TENT4B: variants seen among roughly 807,000 people sequenced by gnomAD.
TENT4B encodes terminal nucleotidyltransferase 4B, also known as PAP associated domain containing 5.
A neutral mutation model predicts 75.0 loss-of-function variants in TENT4B; 10 were observed. The ratio of observed to expected loss-of-function variants is 0.13; its 90% CI spans 0.08 to 0.23. The LOEUF is 0.23. Among genes scored for constraint, TENT4B ranks in the 10% least tolerant of loss-of-function variants. The probability of loss-of-function intolerance (pLI) is 1.00; values close to 1 mark genes in which losing one functional copy is unlikely to be tolerated. For missense variants in TENT4B, 579 were observed against 893.8 expected (o/e 0.65, Z 4.49); for synonymous variants, 350 against 357.7 (o/e 0.98, Z 0.24).
chr16:50,152,985 G>A (rs1439339811), upstream of TENT4B: 11 of 1,516,028 alleles, frequency 7.3e-6, no homozygotes, highest in East Asian at 2.6e-4. Context: ...CACCGGGGAA[G>A]CCGAGGCGGA....
chr16:50,219,589 T>C (rs986303989), intron 5 of TENT4B, among the ~76,000 whole-genome samples: 2 of 152,228 alleles, frequency 1.3e-5, no homozygotes, highest in Admixed American at 6.5e-5. Flanking sequence ...AAGCAAAATT[T>C]TGAGGTCGAA....
intron 1 of TENT4B, among the ~76,000 whole-genome samples, chr16:50,198,415 T>A (rs2030416423): frequency 1.6e-5 from 1 of 60,658 alleles, no homozygotes; most frequent in African/African-American, 4.6e-5. Context: ...TGAGACTCTG[T>A]CTAAAAAAAA....
At chr16:50,202,047 C>A (rs2030687408) in intron 1 of TENT4B, among the ~76,000 whole-genome samples, 1 of 152,062 alleles carries the variant, frequency 6.6e-6, no homozygotes, top group Non-Finnish European at 1.5e-5. Flanking sequence ...TATCTTTTCT[C>A]CAAATTAGTC....
chr16:50,232,673 A>T lies in TENT4B; in HGVS notation c.*3345A>T, dbSNP rs544815822. On this transcript the variant is annotated 3_prime_UTR_variant, in exon 12 of 12. Transcript: ENST00000561678. ...TCTCTTGCTGTGACATGTTCATTGC[A>T]AAGCCCTCTCCAGTGACTAGGAGGT... is the stretch of plus-strand genomic sequence containing the variant. 8 of 985,316 alleles carry T rather than the reference A, an allele frequency of 8.1e-6. No homozygotes were observed. The Admixed American group carries it at 4.9e-4, about 61-fold the overall frequency. 61.0% of individuals were successfully genotyped at this position (985,316 alleles called of 1,614,324 possible). A position where few individuals can be genotyped will look rare whatever the true frequency, so the allele number is the denominator to read the frequency against.
rs1270317474 is a variant in TENT4B, at chr16:50,233,623, T to TTTGAGGACAG, written c.*4298_*4307dup. On this transcript the variant is annotated 3_prime_UTR_variant, in exon 12 of 12. Transcript: ENST00000561678. ...TCTATTTGATACCTAGAATTAAATATTTGAGGACAGTTTTTAGTTAATAAA... is the reference window on the plus strand; with the variant it reads ...TCTATTTGATACCTAGAATTAAATATTTGAGGACAGTTGAGGACAGTTTTTAGTTAATAAA... 1 of 983,674 alleles carries TTTGAGGACAG rather than the reference T, an allele frequency of 1.0e-6. No homozygotes were observed. The highest frequency in any genetic ancestry group is 1.2e-6 in the Non-Finnish European group (1 of 828,410). The allele number at this position is 983,674 out of a possible 1,614,324, so 60.9% of individuals were successfully genotyped here.
At chr16:50,227,345 T>C (rs2032102385) in intron 10 of TENT4B, among the ~76,000 whole-genome samples, 1 of 152,188 alleles carries the variant, frequency 6.6e-6, no homozygotes, top group East Asian at 1.9e-4. Flanking sequence ...CGTAGCATTG[T>C]CATGGCCCAT....
chr16:50,191,686 G>T (rs537997734), intron 1 of TENT4B, among the ~76,000 whole-genome samples: 1 of 152,192 alleles, frequency 6.6e-6, no homozygotes, highest in African/African-American at 2.4e-5. Flanking sequence ...TTGGGAGGCC[G>T]AGGCGGGCAG....
At chr16:50,203,065 C>G (rs2150724760) in intron 1 of TENT4B, among the ~76,000 whole-genome samples, 1 of 152,312 alleles carries the variant, frequency 6.6e-6, no homozygotes, top group Non-Finnish European at 1.5e-5. Flanking sequence ...TATCCATTCC[C>G]TGTACTTTTA....
rs57483253 is a variant in TENT4B, at chr16:50,229,516, C to CA, written c.*198dup. On this transcript the variant is annotated 3_prime_UTR_variant, in exon 12 of 12. Transcript: ENST00000561678. Reference sequence around the variant, plus strand: ...CAACTGCAAAAAAAACAAAACAAAACAAAAAAAAAAGCAAGCAAAAAAGAG... The same window carrying CA: ...CAACTGCAAAAAAAACAAAACAAAACAAAAAAAAAAAGCAAGCAAAAAAGAG... 2,306 of 1,095,518 alleles carry CA rather than the reference C, an allele frequency of 2.1e-3. No individual in the cohort carries two copies. Among genetic ancestry groups the CA allele is most frequent in the East Asian group, 8.8e-3 (227 of 25,790 alleles). The allele number at this position is 1,095,518 out of a possible 1,614,324, so 67.9% of individuals were successfully genotyped here.
At chr16:50,205,958 T>G (rs763992934) in intron 1 of TENT4B, among the ~76,000 whole-genome samples, 7 of 152,144 alleles carry the variant, frequency 4.6e-5, no homozygotes, top group Admixed American at 2.0e-4. Context: ...TCTTTCCAAT[T>G]TAACATATTT....
upstream of TENT4B, chr16:50,153,010 C>A: frequency 4.6e-6 from 7 of 1,516,818 alleles, no homozygotes; most frequent in Non-Finnish European, 6.1e-6. Flanking sequence ...CCGCGCGCGC[C>A]TCAGAAGCTC....
Position 50,232,791 on chromosome 16 carries a change from G to A in TENT4B, c.*3463G>A, listed in dbSNP as rs1220133247. 8.1e-6 allele frequency: 8 copies of A among 985,104 alleles called. No homozygotes were observed. The highest frequency in any genetic ancestry group is 9.6e-6 in the Non-Finnish European group (8 of 829,804). The allele number at this position is 985,104 out of a possible 1,614,324, so 61.0% of individuals were successfully genotyped here. On this transcript the variant is annotated 3_prime_UTR_variant, in exon 12 of 12. Transcript: ENST00000561678. ...TTTTATTGGTCATGACTACATCTCA[G>A]TTTTACTTTAATATTGATCTATAGT...
chr16:50,216,761 C>G (rs1042591420), intron 4 of TENT4B, among the ~76,000 whole-genome samples: 11 of 152,190 alleles, frequency 7.2e-5, no homozygotes, highest in Middle Eastern at 3.4e-3. Flanking sequence ...CTCAAGTGAT[C>G]CTCCCACCTC....
chr16:50,231,388 A>G lies in TENT4B; in HGVS notation c.*2060A>G. ...TTTATAAAATAATATTAAATCCAGTATTAGCTGCCTATTTCAGACACTTAA... is the reference window on the plus strand; with the variant it reads ...TTTATAAAATAATATTAAATCCAGTGTTAGCTGCCTATTTCAGACACTTAA... On this transcript the variant is annotated 3_prime_UTR_variant, in exon 12 of 12. Coordinates refer to ENST00000561678, the MANE Select transcript of TENT4B (RefSeq NM_001365324.3). 1.0e-6 allele frequency: 1 copy of G among 982,368 alleles called. No individual in the cohort carries two copies. Among genetic ancestry groups the G allele is most frequent in the Non-Finnish European group, 1.2e-6 (1 of 826,786 alleles). The allele number at this position is 982,368 out of a possible 1,614,324, so 60.9% of individuals were successfully genotyped here.
At chr16:50,172,820 A>G (rs968002364) in intron 1 of TENT4B, among the ~76,000 whole-genome samples, 5 of 152,052 alleles carry the variant, frequency 3.3e-5, no homozygotes, top group Non-Finnish European at 5.9e-5. Context: ...TCATCCCTCC[A>G]TCTACCTGAA....
chr16:50,171,690 C>T (rs1416473348), intron 1 of TENT4B, among the ~76,000 whole-genome samples: 1 of 152,028 alleles, frequency 6.6e-6, no homozygotes, highest in South Asian at 2.1e-4. Flanking sequence ...GTAGGCCAGG[C>T]ACAGTGACTT....
chr16:50,220,655 A>C (rs994380536), intron 5 of TENT4B, among the ~76,000 whole-genome samples: 1 of 151,996 alleles, frequency 6.6e-6, no homozygotes, highest in African/African-American at 2.4e-5. Flanking sequence ...CAGCCTCCAG[A>C]ATAGCTGGGA....
Position 50,232,167 on chromosome 16 carries a change from A to G in TENT4B, c.*2839A>G. On this transcript the variant is annotated 3_prime_UTR_variant, in exon 12 of 12. Transcript: ENST00000561678. ...TTACTGGTTATGTTTTGATGATAAA[A>G]GTATATCCATTTTTTCCCTCCAGCT... 1 of 985,420 alleles carries G rather than the reference A, an allele frequency of 1.0e-6. No individual in the cohort carries two copies. The highest frequency in any genetic ancestry group is 1.2e-6 in the Non-Finnish European group (1 of 829,920). 61.0% of individuals were successfully genotyped at this position (985,420 alleles called of 1,614,324 possible). A position where few individuals can be genotyped will look rare whatever the true frequency, so the allele number is the denominator to read the frequency against.
At chr16:50,208,296 G>C (rs1359451765) in intron 1 of TENT4B, among the ~76,000 whole-genome samples, 1 of 152,220 alleles carries the variant, frequency 6.6e-6, no homozygotes, top group Admixed American at 6.5e-5. Flanking sequence ...AGTCTTCAGA[G>C]CCTGTCTTAT....
Sources: gnomAD v4.1 joint callset for allele counts (sites outside exome capture counted in the v4.1 genomes callset) on GRCh38, gnomAD v4.1.1 for gene constraint, MANE v1.5 for transcripts, NCBI Gene and HGNC (gene_info 2026-07-23, HGNC 2026-07-21) for gene names.